BCAS3: variants seen among roughly 807,000 people sequenced by gnomAD.
The protein encoded by BCAS3 is BCAS3 microtubule associated cell migration factor, also known as BCAS4/BCAS3 fusion.
In BCAS3, 53 loss-of-function variants were observed where a neutral mutation model predicts 116.1. That is an observed-to-expected ratio of 0.46 (90% confidence interval 0.37 to 0.57). The LOEUF (loss-of-function observed/expected upper bound fraction) is 0.57, where lower values mean the gene tolerates loss of function less well. Ranked by LOEUF, BCAS3 falls within the 20% of genes least tolerant of loss-of-function variation. The probability of loss-of-function intolerance (pLI) is 0.00; values close to 1 mark genes in which losing one functional copy is unlikely to be tolerated. For missense variants in BCAS3, 917 were observed against 1,165.4 expected (o/e 0.79, Z 3.10); for synonymous variants, 391 against 408.2 (o/e 0.96, Z 0.51).
At chr17:61,142,969 GC>G (rs2077000994) in intron 22 of BCAS3, among the ~76,000 whole-genome samples, 1 of 152,124 alleles carries the variant, frequency 6.6e-6, no homozygotes, top group Non-Finnish European at 1.5e-5. Flanking sequence ...TTTCTCAGAA[GC>G]TTTTTCTTCT....
At chr17:61,047,224 A>G (rs951604219) in intron 19 of BCAS3, among the ~76,000 whole-genome samples, 27 of 151,976 alleles carry the variant, frequency 1.8e-4, no homozygotes, top group African/African-American at 6.3e-4. Flanking sequence ...ACAAATTGAT[A>G]CCCCAAATTG....
At chr17:61,277,133 G>A (rs889602423) in intron 22 of BCAS3, among the ~76,000 whole-genome samples, 11 of 151,928 alleles carry the variant, frequency 7.2e-5, no homozygotes, top group South Asian at 2.1e-4. Flanking sequence ...GCATGGTGGC[G>A]TGTGCCTATA....
rs1268355062 is a variant in BCAS3, at chr17:61,205,354, A to G, written c.2425+120790A>G. On this transcript the variant is annotated intron_variant, in intron 22 of 23. Transcript: ENST00000407086. The surrounding 1 kb of genome is among the most constrained non-coding windows in gnomAD (Gnocchi z 5.2). Reference sequence around the variant, plus strand: ...CTGGTGGGCCTCCCACATTGTCAACATCAGTACCATTTATTTGTTGACCAA... The same window carrying G: ...CTGGTGGGCCTCCCACATTGTCAACGTCAGTACCATTTATTTGTTGACCAA... 1.3e-5 allele frequency among the ~76,000 whole-genome samples: 2 copies of G among 152,214 alleles called. No individual in the cohort carries two copies. The highest frequency in any genetic ancestry group is 2.9e-5 in the Non-Finnish European group (2 of 68,040).
intron 22 of BCAS3, among the ~76,000 whole-genome samples, chr17:61,254,103 G>C (rs541035484): frequency 6.6e-6 from 1 of 152,220 alleles, no homozygotes; most frequent in Non-Finnish European, 1.5e-5. Context: ...AGACAAGCCC[G>C]AGGAAAAAAC....
chr17:61,307,357 TAG>T lies in BCAS3; in HGVS notation c.2426-60967_2426-60966del, dbSNP rs1186621453. Among the ~76,000 whole-genome samples the T allele has an allele frequency of 6.6e-6, 1 of 152,264 alleles. No individual in the cohort carries two copies. Among genetic ancestry groups the T allele is most frequent in the Non-Finnish European group, 1.5e-5 (1 of 68,042 alleles). On this transcript the variant is annotated intron_variant, in intron 22 of 23. Coordinates refer to ENST00000407086, the MANE Select transcript of BCAS3 (RefSeq NM_017679.5). The surrounding 1 kb of genome is among the most constrained non-coding windows in gnomAD (Gnocchi z 4.7). ...TGTAATTTTTCCTGTCTACTTTTAC[TAG>T]AGTTTACTAGAGGTTTCCTCAAGTT...
At chr17:61,321,924 T>TTGTC (rs1400990166) in intron 22 of BCAS3, among the ~76,000 whole-genome samples, 1 of 149,896 alleles carries the variant, frequency 6.7e-6, no homozygotes, top group Non-Finnish European at 1.5e-5. Flanking sequence ...ATCCCGTTTT[T>TTGTC]TGTTTGTTTG....
chr17:60,684,456 G>T (rs969183509), intron 3 of BCAS3, among the ~76,000 whole-genome samples: 1 of 151,936 alleles, frequency 6.6e-6, no homozygotes, highest in Non-Finnish European at 1.5e-5. Flanking sequence ...GCATTTTTAT[G>T]CCAACTAAGG....
intron 5 of BCAS3, among the ~76,000 whole-genome samples, chr17:60,741,809 T>C (rs983946990): frequency 6.6e-6 from 1 of 152,162 alleles, no homozygotes; most frequent in Admixed American, 6.6e-5. Flanking sequence ...CTACAAAAGA[T>C]ACACATGTGC....
At chr17:61,195,147 T>G (rs2080399136) in intron 22 of BCAS3, among the ~76,000 whole-genome samples, 3 of 152,256 alleles carry the variant, frequency 2.0e-5, no homozygotes, top group Non-Finnish European at 1.5e-5. Context: ...CAATTTATTT[T>G]TAACTACATT....
At chr17:61,267,478 C>CT (rs1472209103) in intron 22 of BCAS3, among the ~76,000 whole-genome samples, 1 of 151,570 alleles carries the variant, frequency 6.6e-6, no homozygotes, top group African/African-American at 2.4e-5. Context: ...TGGCTCACGC[C>CT]TGTTATCCCA....
At chr17:60,703,440 T>G (rs938554160) in intron 4 of BCAS3, among the ~76,000 whole-genome samples, 8 of 151,196 alleles carry the variant, frequency 5.3e-5, no homozygotes, top group African/African-American at 1.9e-4. Context: ...ATTAGCTGAA[T>G]GTGGTGGCGT....
At chr17:60,712,089 C>T (rs1484644216) in intron 5 of BCAS3, among the ~76,000 whole-genome samples, 4 of 152,114 alleles carry the variant, frequency 2.6e-5, no homozygotes, top group East Asian at 1.9e-4. Context: ...CGCTTGAACC[C>T]GGGAGGCGGT....
At chr17:61,125,766 A>G (rs538743250) in intron 22 of BCAS3, among the ~76,000 whole-genome samples, 1 of 152,290 alleles carries the variant, frequency 6.6e-6, no homozygotes, top group South Asian at 2.1e-4. Context: ...CAGATCTTAC[A>G]GCTATGATTT....
chr17:60,816,281 T>TTC (rs1196909214), intron 7 of BCAS3, among the ~76,000 whole-genome samples: 2 of 146,572 alleles, frequency 1.4e-5, no homozygotes, highest in African/African-American at 5.1e-5. Flanking sequence ...TTTCTTTTCT[T>TTC]TTTTTTTTTT....
rs921866378 is a variant in BCAS3, at chr17:61,049,162, A to G, written c.2029+8270A>G. ...AAAACATTTGAAAAATTAGCCAGGT[A>G]TGGTGGTGCATACCCTTAATCCCAG... On this transcript the variant is annotated intron_variant, in intron 19 of 23. Coordinates refer to ENST00000407086, the MANE Select transcript of BCAS3 (RefSeq NM_017679.5). 5.3e-5 allele frequency among the ~76,000 whole-genome samples: 8 copies of G among 151,904 alleles called. No homozygotes were observed. The East Asian group carries it at 1.5e-3, about 29-fold the overall frequency.
At chr17:60,770,838 T>TG (rs1568213517) in intron 6 of BCAS3, among the ~76,000 whole-genome samples, 1 of 67,078 alleles carries the variant, frequency 1.5e-5, no homozygotes, top group East Asian at 2.7e-4. Flanking sequence ...AAATTTGTTT[T>TG]TTTTTTTTTT....
Position 61,227,513 on chromosome 17 carries a change from T to G in BCAS3, c.2426-140814T>G, listed in dbSNP as rs970133766. Among the ~76,000 whole-genome samples, 3 of 152,344 alleles carry G rather than the reference T, an allele frequency of 2.0e-5. No homozygotes were observed. Among genetic ancestry groups the G allele is most frequent in the African/African-American group, 7.2e-5 (3 of 41,580 alleles). ...CTTTCTTTAGCTTTTGGGAGGAATT[T>G]GTGTTTGCCCATGAATGAAGTGAAA... On this transcript the variant is annotated intron_variant, in intron 22 of 23. Transcript: ENST00000407086. This position sits in a 1 kb window ranked among gnomAD's most constrained non-coding sequence, Gnocchi z 6.1.
chr17:60,687,148 C>T (rs1197977945), intron 3 of BCAS3, among the ~76,000 whole-genome samples: 1 of 152,054 alleles, frequency 6.6e-6, no homozygotes, highest in Non-Finnish European at 1.5e-5. Flanking sequence ...GTGTTAGAAA[C>T]CAGTGTTGAA....
intron 5 of BCAS3, among the ~76,000 whole-genome samples, chr17:60,716,434 A>G (rs543987413): frequency 3.7e-4 from 56 of 152,308 alleles, no homozygotes; most frequent in African/African-American, 1.3e-3. Flanking sequence ...TCTTTTCTCC[A>G]TAGTTAGAAA....
Sources: allele counts gnomAD v4.1 joint callset (sites outside exome capture counted in the v4.1 genomes callset), GRCh38; gene constraint gnomAD v4.1.1; non-coding constraint Gnocchi (gnomAD v3.1); transcripts MANE v1.5; gene names NCBI Gene and HGNC (gene_info 2026-07-23, HGNC 2026-07-21).